The following PREX2 variants were observed in gnomAD, a reference collection of about 807,000 sequenced individuals.
PREX2 encodes phosphatidylinositol 3,4,5-trisphosphate-dependent Rac exchanger 2 protein.
PREX2 carries 107 observed loss-of-function variants against 203.2 expected under a neutral mutation model. The ratio of observed to expected loss-of-function variants is 0.53; its 90% CI spans 0.45 to 0.62. The LOEUF (loss-of-function observed/expected upper bound fraction) is 0.62. Ranked by LOEUF, PREX2 falls within the 20% of genes least tolerant of loss-of-function variation. PREX2 has a pLI of 0.00. For synonymous variants in PREX2, 672 were observed against 663.6 expected, an observed-to-expected ratio of 1.01 and a Z score of -0.19; for missense variants, 1,777 against 1,955.9, an observed-to-expected ratio of 0.91 and a Z score of 1.72.
chr8:67,964,529 CTAAAA>C (rs984511537), intron 1 of PREX2, among the ~76,000 whole-genome samples: 3 of 152,132 alleles, frequency 2.0e-5, no homozygotes, highest in African/African-American at 7.2e-5. Context: ...TTATTTCCCT[CTAAAA>C]TAATATATTC....
Position 68,109,495 on chromosome 8 carries a change from G to C in PREX2, c.3018G>C (p.Gln1006His). The C allele has an allele frequency of 6.2e-7, 1 of 1,614,042 alleles. No individual in the cohort carries two copies. The highest frequency in any genetic ancestry group is 2.2e-5 in the East Asian group (1 of 44,874). The change falls in exon 25 of 40, where the codon CAG (glutamine) becomes CAC (histidine). Residue 1006 changes from glutamine (Q) to histidine (H), a missense_variant. Coordinates refer to ENST00000288368, the MANE Select transcript of PREX2 (RefSeq NM_024870.4). ...AAPSGLSLGQ[Q>H]DGHGLRYLLK... The stretch of plus-strand genomic sequence containing the variant: ...CTTCAGGTCTGTCTCTGGGACAGCA[G>C]GATGGCCATGGTCTCAGGTATCTGC...
intron 32 of PREX2, among the ~76,000 whole-genome samples, chr8:68,138,076 ATG>A (rs1226278073): frequency 3.3e-5 from 5 of 152,226 alleles, no homozygotes; most frequent in Admixed American, 6.5e-5. Flanking sequence ...AGAAGTTTAG[ATG>A]CAAATAGCAT....
At chr8:68,136,965 G>A (rs1254182157) in intron 32 of PREX2, among the ~76,000 whole-genome samples, 1 of 151,800 alleles carries the variant, frequency 6.6e-6, no homozygotes, top group Non-Finnish European at 1.5e-5. Context: ...GAGTGCAGTG[G>A]CGCAATCTCA....
chr8:68,046,212 T>G (rs1316597345), intron 8 of PREX2, among the ~76,000 whole-genome samples: 1 of 152,066 alleles, frequency 6.6e-6, no homozygotes, highest in Admixed American at 6.6e-5. Flanking sequence ...TGTCCCACTT[T>G]CTCCCTTTAC....
intron 35 of PREX2, among the ~76,000 whole-genome samples, chr8:68,175,117 A>T (rs1811953103): frequency 6.6e-6 from 1 of 152,236 alleles, no homozygotes; most frequent in Admixed American, 6.5e-5. Context: ...AGCACAGAAC[A>T]GGAGCATTTA....
At chr8:68,161,019 G>A (rs2129613998) in intron 35 of PREX2, among the ~76,000 whole-genome samples, 1 of 151,996 alleles carries the variant, frequency 6.6e-6, no homozygotes, top group African/African-American at 2.4e-5. Flanking sequence ...ATCTTAATCA[G>A]CTTTGACCAC....
intron 21 of PREX2, among the ~76,000 whole-genome samples, chr8:68,094,106 T>C (rs766309418): frequency 2.6e-5 from 4 of 152,192 alleles, no homozygotes; most frequent in Non-Finnish European, 5.9e-5. Context: ...TGTTTGGAGT[T>C]TCAGTGTTGT....
rs192009360 is a variant in PREX2 at position 68,078,917 on chromosome 8, T to C, written c.1642+1448T>C. ...ACAGTGTAGCTCATGCCTGGCTTTA[T>C]TGATGCCCTATCATGCTCCTTTTAA... On this transcript the variant is annotated intron_variant, in intron 15 of 39. Coordinates refer to ENST00000288368, the MANE Select transcript of PREX2 (RefSeq NM_024870.4). Among the ~76,000 whole-genome samples, 14 of 152,344 alleles carry C rather than the reference T, an allele frequency of 9.2e-5. No homozygotes were observed. In the East Asian group the frequency reaches 2.7e-3, roughly 29 times the overall value.
At position 68,032,756 on chromosome 8, in the gene PREX2, G is replaced by A. The variant is rs77456926; in HGVS notation, c.705+2098G>A. 5.0e-3 allele frequency among the ~76,000 whole-genome samples: 769 copies of A among 152,278 alleles called. 5 individuals carry two copies. The highest frequency in any genetic ancestry group is 0.017 in the African/African-American group (723 of 41,556). On this transcript the variant is annotated intron_variant, in intron 6 of 39. Transcript: ENST00000288368. Reference sequence around the variant, plus strand: ...GGTGATCCTTGCTCAGCCTGCAGAAGCTTTGTGTGTCTGTGGAGAGGCTAC... The same window carrying A: ...GGTGATCCTTGCTCAGCCTGCAGAAACTTTGTGTGTCTGTGGAGAGGCTAC...
At chr8:68,039,088 T>TGAAG (rs1324640204) in intron 7 of PREX2, among the ~76,000 whole-genome samples, 1 of 152,204 alleles carries the variant, frequency 6.6e-6, no homozygotes, top group Non-Finnish European at 1.5e-5. Context: ...GAAGATCTCT[T>TGAAG]ATCTCAAATT....
intron 26 of PREX2, 101 bp downstream of exon 26, chr8:68,116,033 T>A: frequency 1.0e-6 from 1 of 1,002,258 alleles, no homozygotes; most frequent in Non-Finnish European, 1.5e-6. Context: ...GTTTTTCTTT[T>A]AATTGGTCTT....
Position 68,237,019 on chromosome 8 carries a change from T to C in PREX2, c.*5641T>C, listed in dbSNP as rs1813277931. The stretch of plus-strand genomic sequence containing the variant: ...AAATGTTAATAATAATAAAGTGAAA[T>C]GTAGTATGACCAATTCAGCTTCTTT... On this transcript the variant is annotated 3_prime_UTR_variant, in exon 40 of 40. Transcript: ENST00000288368. The C allele has an allele frequency of 6.6e-6, 1 of 152,120 alleles. No homozygotes were observed. The highest frequency in any genetic ancestry group is 1.5e-5 in the Non-Finnish European group (1 of 68,018). 9.4% of individuals were successfully genotyped at this position (152,120 alleles called of 1,614,324 possible).
At chr8:68,155,863 A>C (rs543509267) in intron 34 of PREX2, among the ~76,000 whole-genome samples, 1 of 152,292 alleles carries the variant, frequency 6.6e-6, no homozygotes, top group Non-Finnish European at 1.5e-5. Flanking sequence ...TTAAAAAGGA[A>C]ATTTATATGC....
rs1056436609 is a variant in PREX2, at chr8:68,233,676, C to T, written c.*2298C>T. On this transcript the variant is annotated 3_prime_UTR_variant, in exon 40 of 40. Transcript: ENST00000288368. ...TCTGTTGTTATTGCTTCACTTAATC[C>T]TCATAATAATGACGTGACATGGTAC... 6 of 152,070 alleles carry T rather than the reference C, an allele frequency of 3.9e-5. No homozygotes were observed. The highest frequency in any genetic ancestry group is 1.3e-4 in the Admixed American group (2 of 15,248). The allele number at this position is 152,070 out of a possible 1,614,324, so 9.4% of individuals were successfully genotyped here.
At chr8:68,168,940 T>C (rs1357846835) in intron 35 of PREX2, among the ~76,000 whole-genome samples, 3 of 152,100 alleles carry the variant, frequency 2.0e-5, no homozygotes, top group Admixed American at 1.3e-4. Context: ...ACAAACTCTT[T>C]ATCATTGTCT....
rs141572696 is a variant in PREX2, at chr8:68,166,641, C to G, written c.4346+9205C>G. ...ATCTTTCAATTGTCAATTGTCATCA[C>G]AAGAGAAATTTTGCCTTGATATCTG... On this transcript the variant is annotated intron_variant, in intron 35 of 39. Transcript: ENST00000288368. 6.5e-3 allele frequency among the ~76,000 whole-genome samples: 988 copies of G among 152,264 alleles called. 8 individuals are homozygous for G. The highest frequency in any genetic ancestry group is 0.023 in the African/African-American group (944 of 41,564).
chr8:68,092,397 C>G (rs554957523), intron 20 of PREX2, among the ~76,000 whole-genome samples: 2 of 152,186 alleles, frequency 1.3e-5, no homozygotes, highest in South Asian at 4.1e-4. Context: ...GAATCGAATA[C>G]AAAAAATAGA....
At chr8:68,008,288 T>A (rs1807159234) in intron 1 of PREX2, among the ~76,000 whole-genome samples, 1 of 152,214 alleles carries the variant, frequency 6.6e-6, no homozygotes, top group Non-Finnish European at 1.5e-5. Flanking sequence ...CTTGTCCGTA[T>A]CAGCCCAGCA....
intron 1 of PREX2, among the ~76,000 whole-genome samples, chr8:67,961,278 C>T (rs1440933194): frequency 1.3e-5 from 2 of 151,802 alleles, no homozygotes; most frequent in Non-Finnish European, 2.9e-5. Context: ...TTTCTTTAAA[C>T]ATTTTATTTA....
Sources: gnomAD v4.1 joint callset for allele counts (sites outside exome capture counted in the v4.1 genomes callset) on GRCh38, gnomAD v4.1.1 for gene constraint, MANE v1.5 for transcripts, NCBI Gene and HGNC (gene_info 2026-07-23, HGNC 2026-07-21) for gene names.